NCOA7: variants seen among roughly 807,000 people sequenced by gnomAD.
NCOA7 encodes 140 kDa estrogen receptor-associated protein.
Under a neutral mutation model 104.3 loss-of-function variants are expected in NCOA7, and 45 were observed. The observed-to-expected ratio is 0.43, with a 90% CI of 0.34 to 0.55. The LOEUF (loss-of-function observed/expected upper bound fraction) is 0.55. Among genes scored for constraint, NCOA7 ranks in the 20% least tolerant of loss-of-function variants. NCOA7 has a pLI of 0.02. For missense variants in NCOA7, 1,041 were observed against 1,119.7 expected (o/e 0.93, Z 1.00); for synonymous variants, 398 against 402.3 (o/e 0.99, Z 0.13).
In NCOA7 at chr6:125,889,667, A is replaced by C. The variant is rs1164852139; in HGVS notation, c.1613A>C (p.Glu538Ala). Reference sequence around the variant, plus strand: ...AACAAAGAAGGGCCACAGGTATCTGAAAATTTGCAGAAAACAGAATTAAGT... The same window carrying C: ...AACAAAGAAGGGCCACAGGTATCTGCAAATTTGCAGAAAACAGAATTAAGT... Reference protein sequence around the residue: ...TKNKEGPQVSENLQKTELSDG... With the variant: ...TKNKEGPQVSANLQKTELSDG... The change falls in exon 9 of 16, where the codon GAA becomes GCA. Residue 538 changes from glutamate (E) to alanine (A), a missense_variant. This residue lies in a region of NCOA7 where 914 missense variants were observed against 942.7 expected (regional missense o/e 0.97). Transcript: ENST00000392477. The C allele has an allele frequency of 3.5e-5, 56 of 1,614,002 alleles. No individual in the cohort carries two copies. The highest frequency in any genetic ancestry group is 4.7e-5 in the Non-Finnish European group (55 of 1,180,016).
At chr6:125,893,210 C>T (rs1784755959) in intron 10 of NCOA7, among the ~76,000 whole-genome samples, 1 of 152,206 alleles carries the variant, frequency 6.6e-6, no homozygotes, top group African/African-American at 2.4e-5. Context: ...CATGCATCCA[C>T]TGGAGTTTCA....
intron 10 of NCOA7, among the ~76,000 whole-genome samples, chr6:125,892,868 T>C (rs1784729021): frequency 6.6e-6 from 1 of 152,288 alleles, no homozygotes; most frequent in South Asian, 2.1e-4. Flanking sequence ...TTAATGACAA[T>C]AGTTTTTTTG....
intron 10 of NCOA7, among the ~76,000 whole-genome samples, chr6:125,910,227 C>G (rs1402865209): frequency 1.3e-5 from 2 of 152,176 alleles, no homozygotes; most frequent in African/African-American, 4.8e-5. Flanking sequence ...CTTAGTAACA[C>G]TGAGGCCTGG....
chr6:125,799,867 T>A (rs990871399), intron 1 of NCOA7, among the ~76,000 whole-genome samples: 3 of 152,204 alleles, frequency 2.0e-5, no homozygotes, highest in Non-Finnish European at 4.4e-5. Context: ...TTGATGACAT[T>A]CTTAGAGATA....
chr6:125,881,200 G>A lies in NCOA7; in HGVS notation c.570G>A (p.Leu190=), dbSNP rs1052020481. Residue 190 remains leucine, a synonymous_variant, in exon 6 of 16, where the codon TTG becomes TTA. Coordinates refer to ENST00000392477, the MANE Select transcript of NCOA7 (RefSeq NM_181782.5). ...PSSSDAEYDK[L]PDADLARKAL... is the part of the protein sequence containing the mutation. ...CATCAGATGCAGAATATGATAAATT[G>A]CCTGTATGTATATTATGCACTGAAG... 27 of 1,601,652 alleles carry A rather than the reference G, an allele frequency of 1.7e-5. No homozygotes were observed. Among genetic ancestry groups the A allele is most frequent in the African/African-American group, 4.0e-5 (3 of 74,592 alleles).
intron 2 of NCOA7, among the ~76,000 whole-genome samples, chr6:125,820,410 G>T (rs1778065268): frequency 1.3e-5 from 2 of 152,204 alleles, no homozygotes; most frequent in African/African-American, 4.8e-5. Flanking sequence ...TTTGAAGAAG[G>T]AGACATCCCA....
chr6:125,887,168 T>C (rs1275825244), intron 8 of NCOA7, among the ~76,000 whole-genome samples: 1 of 152,138 alleles, frequency 6.6e-6, no homozygotes, highest in African/African-American at 2.4e-5. Flanking sequence ...GAAAGCTAAT[T>C]AGAGTGCAGT....
At chr6:125,918,868 C>T (rs928144990) in intron 11 of NCOA7, among the ~76,000 whole-genome samples, 1 of 151,918 alleles carries the variant, frequency 6.6e-6, no homozygotes, top group South Asian at 2.1e-4. Context: ...TTTCATCCTT[C>T]CTTTGAGATT....
Position 125,794,072 on chromosome 6 carries a change from C to A in NCOA7, c.-65+3005C>A, listed in dbSNP as rs140171842. ...GATCTTCAGAAGCTGTACTTTGGTA[C>A]CTTGTTTTGCATCCTTAACACCCCC... On this transcript the variant is annotated intron_variant, in intron 1 of 15. Coordinates refer to ENST00000392477, the MANE Select transcript of NCOA7 (RefSeq NM_181782.5). 5.4e-3 allele frequency among the ~76,000 whole-genome samples: 818 copies of A among 152,236 alleles called. 7 individuals carry two copies. Among genetic ancestry groups the A allele is most frequent in the African/African-American group, 0.019 (783 of 41,514 alleles).
At chr6:125,847,848 A>G (rs1409481256) in intron 2 of NCOA7, among the ~76,000 whole-genome samples, 1 of 152,236 alleles carries the variant, frequency 6.6e-6, no homozygotes, top group Non-Finnish European at 1.5e-5. Context: ...AAAAGAAACT[A>G]TCATCAGAGT....
chr6:125,886,327 A>G (rs983797348), intron 8 of NCOA7, among the ~76,000 whole-genome samples: 1 of 152,152 alleles, frequency 6.6e-6, no homozygotes, highest in Non-Finnish European at 1.5e-5. Context: ...GTAGTTTCCA[A>G]ATTTTGCTGC....
chr6:125,833,399 C>T (rs1251615467), intron 2 of NCOA7, among the ~76,000 whole-genome samples: 1 of 151,900 alleles, frequency 6.6e-6, no homozygotes, highest in Non-Finnish European at 1.5e-5. Flanking sequence ...CCAGCCTGGC[C>T]TCATGGTGAA....
intron 13 of NCOA7, among the ~76,000 whole-genome samples, chr6:125,925,753 C>T (rs959105509): frequency 1.3e-5 from 2 of 152,086 alleles, no homozygotes; most frequent in African/African-American, 4.8e-5. Flanking sequence ...TATGACTTTC[C>T]TTTTATCATT....
intron 2 of NCOA7, among the ~76,000 whole-genome samples, chr6:125,851,890 CT>C (rs376908015): frequency 1.2e-3 from 181 of 146,456 alleles, no homozygotes; most frequent in Middle Eastern, 3.5e-3. Context: ...CATTGTATAT[CT>C]TTTTTTTTTT....
chr6:125,874,783 T>A (rs1450263761), intron 3 of NCOA7, 106 bp from the exon 4 acceptor site: 2 of 756,006 alleles, frequency 2.6e-6, no homozygotes, highest in Non-Finnish European at 4.5e-6. Context: ...CCTATTAGTG[T>A]CTTTTTGTCA....
At chr6:125,895,712 T>C (rs960325888) in intron 10 of NCOA7, among the ~76,000 whole-genome samples, 4 of 152,052 alleles carry the variant, frequency 2.6e-5, no homozygotes, top group African/African-American at 9.7e-5. Context: ...ACAAAGACAG[T>C]GCAGGCTTCT....
At chr6:125,853,347 A>G (rs1458505073) in intron 2 of NCOA7, among the ~76,000 whole-genome samples, 2 of 152,206 alleles carry the variant, frequency 1.3e-5, no homozygotes, top group African/African-American at 4.8e-5. Context: ...TATAATTGGC[A>G]AACAGAGATA....
intron 3 of NCOA7, among the ~76,000 whole-genome samples, chr6:125,870,100 T>C (rs533295058): frequency 6.6e-6 from 1 of 152,330 alleles, no homozygotes; most frequent in East Asian, 1.9e-4. Flanking sequence ...ATTTGCTTAC[T>C]TCTTATGTGG....
At chr6:125,853,258 T>C (rs189446649) in intron 2 of NCOA7, among the ~76,000 whole-genome samples, 2 of 152,362 alleles carry the variant, frequency 1.3e-5, no homozygotes, top group African/African-American at 4.8e-5. Context: ...ACATCGATTT[T>C]GTATCCTGAG....
Sources: gnomAD v4.1 joint callset for allele counts (sites outside exome capture counted in the v4.1 genomes callset) on GRCh38, gnomAD v4.1.1 for gene constraint, gnomAD v4.1.1 regional missense constraint, MANE v1.5 for transcripts, NCBI Gene and HGNC (gene_info 2026-07-23, HGNC 2026-07-21) for gene names.